The following CSMD2 variants were observed in gnomAD, a reference collection of about 807,000 sequenced individuals.
CSMD2 encodes the protein CUB and sushi domain-containing protein 2.
A neutral mutation model predicts 398.5 loss-of-function variants in CSMD2; 130 were observed. That is an observed-to-expected ratio of 0.33 (90% CI 0.28 to 0.38). CSMD2 has a LOEUF of 0.38. Ranked by LOEUF, CSMD2 falls within the 10% of genes least tolerant of loss-of-function variation. The pLI is 1.00. For missense variants in CSMD2, 3,829 were observed against 4,764.9 expected, an observed-to-expected ratio of 0.80 and a Z score of 5.78; for synonymous variants, 1,828 against 1,908.5, an observed-to-expected ratio of 0.96 and a Z score of 1.10.
At position 33,611,165 on chromosome 1, in the gene CSMD2, G is replaced by A. The variant is rs779467636; in HGVS notation, c.6219C>T (p.Arg2073=). ...EIRNGPYETS[R]MMGRFSGSEL... is the part of the protein sequence containing the mutation. Reference sequence around the variant, plus strand: ...CGCTTCCACTGAATCTTCCCATCATGCGGCTGGTCTCATAGGGGCCATTCC... The same window carrying A: ...CGCTTCCACTGAATCTTCCCATCATACGGCTGGTCTCATAGGGGCCATTCC... Residue 2073 remains arginine (R), a synonymous_variant, in exon 41 of 71, where the codon CGC becomes CGT. Coordinates refer to ENST00000373381, the MANE Select transcript of CSMD2 (RefSeq NM_001281956.2). 3 of 1,614,134 alleles carry A rather than the reference G, an allele frequency of 1.9e-6. No individual in the cohort carries two copies. The highest frequency in any genetic ancestry group is 3.3e-5 in the Admixed American group (2 of 60,022).
At chr1:33,730,718 G>A (rs1180946511) in intron 15 of CSMD2, among the ~76,000 whole-genome samples, 2 of 152,078 alleles carry the variant, frequency 1.3e-5, no homozygotes, top group African/African-American at 4.8e-5. Context: ...TATGAATTGG[G>A]AAATTATATT....
rs552688096 is a variant in CSMD2 at position 33,944,868 on chromosome 1, C to A, written c.518-8914G>T. Among the ~76,000 whole-genome samples, 131 of 152,228 alleles carry A rather than the reference C, an allele frequency of 8.6e-4. 1 individual carries two copies. The highest frequency in any genetic ancestry group is 3.4e-3 in the Middle Eastern group (1 of 294). On this transcript the variant is annotated intron_variant, in intron 3 of 70. Coordinates refer to ENST00000373381, the MANE Select transcript of CSMD2 (RefSeq NM_001281956.2). ...CCTTTTACCATGTTGTAATCTTGAT[C>A]TCCCAGGATTCAAGACCCTTGTTTG... is the stretch of plus-strand genomic sequence containing the variant.
intron 22 of CSMD2, among the ~76,000 whole-genome samples, chr1:33,700,988 C>T (rs534247542): frequency 6.6e-6 from 1 of 152,246 alleles, no homozygotes; most frequent in Non-Finnish European, 1.5e-5. Flanking sequence ...CACCAGCTTA[C>T]TCTTTAGCAG....
chr1:33,994,659 T>C (rs187306964), intron 3 of CSMD2, among the ~76,000 whole-genome samples: 1 of 152,210 alleles, frequency 6.6e-6, no homozygotes, highest in Non-Finnish European at 1.5e-5. Context: ...TTAGTTAAAA[T>C]GCCCTTCACC....
intron 2 of CSMD2, among the ~76,000 whole-genome samples, chr1:34,037,803 TTAGTTCCAGTA>T (rs1166477865): frequency 6.6e-6 from 1 of 152,194 alleles, no homozygotes; most frequent in Non-Finnish European, 1.5e-5. Flanking sequence ...ATTCCCCAAC[TTAGTTCCAGTA>T]TATTTTTGCA....
At chr1:33,660,838 G>A in intron 26 of CSMD2, among the ~76,000 whole-genome samples, 1 of 152,352 alleles carries the variant, frequency 6.6e-6, no homozygotes, top group East Asian at 1.9e-4. Flanking sequence ...CACTATGAGA[G>A]AGTCGGGAGG....
intron 52 of CSMD2, among the ~76,000 whole-genome samples, chr1:33,568,283 G>T (rs1479792406): frequency 6.6e-6 from 1 of 150,796 alleles, no homozygotes; most frequent in Non-Finnish European, 1.5e-5. Context: ...CACCTCCTAG[G>T]TTCAAGGGAT....
chr1:34,089,876 C>T (rs1658356486), intron 1 of CSMD2, among the ~76,000 whole-genome samples: 1 of 152,158 alleles, frequency 6.6e-6, no homozygotes, highest in Non-Finnish European at 1.5e-5. Flanking sequence ...AAATTCCCTA[C>T]CCCACTCCTC....
intron 3 of CSMD2, among the ~76,000 whole-genome samples, chr1:33,973,645 G>A (rs897767828): frequency 6.6e-6 from 1 of 152,176 alleles, no homozygotes; most frequent in African/African-American, 2.4e-5. Context: ...AAATGCACTT[G>A]AGGGTAGAAG....
chr1:33,817,230 G>C (rs1357788552), intron 9 of CSMD2, among the ~76,000 whole-genome samples: 1 of 152,152 alleles, frequency 6.6e-6, no homozygotes, highest in Non-Finnish European at 1.5e-5. Context: ...TCAAACCCAG[G>C]AGACTTAGCA....
chr1:33,713,034 G>T (rs535898334), intron 21 of CSMD2, among the ~76,000 whole-genome samples: 1 of 152,342 alleles, frequency 6.6e-6, no homozygotes, highest in South Asian at 2.1e-4. Context: ...GCAAAATGCT[G>T]ATAATTATAT....
intron 3 of CSMD2, among the ~76,000 whole-genome samples, chr1:33,993,546 C>A (rs1025687156): frequency 2.0e-5 from 3 of 149,624 alleles, no homozygotes; most frequent in Admixed American, 1.4e-4. Context: ...CACTTCTACA[C>A]CCTCAGCCAG....
At chr1:33,590,836 G>A (rs6697160) in intron 44 of CSMD2, among the ~76,000 whole-genome samples, 17,386 of 152,068 alleles carry the variant, frequency 0.11, 1,397 homozygotes, top group African/African-American at 0.23. Flanking sequence ...CGTGAACGGT[G>A]GGGGCAATTG....
intron 60 of CSMD2, among the ~76,000 whole-genome samples, chr1:33,538,883 A>G (rs190075463): frequency 6.6e-6 from 1 of 152,320 alleles, no homozygotes; most frequent in Admixed American, 6.5e-5. Flanking sequence ...TCTAGAAGAC[A>G]GTTTGACAAC....
intron 27 of CSMD2, among the ~76,000 whole-genome samples, chr1:33,657,012 T>C (rs994766656): frequency 6.6e-6 from 1 of 152,184 alleles, no homozygotes; most frequent in Non-Finnish European, 1.5e-5. Flanking sequence ...TGTCTCTATC[T>C]ATTTACCTTT....
intron 2 of CSMD2, among the ~76,000 whole-genome samples, chr1:34,045,079 C>CA (rs1237604951): frequency 8.6e-5 from 12 of 139,372 alleles, no homozygotes; most frequent in Admixed American, 1.4e-4. Context: ...ACACACACAC[C>CA]CCTACAAACA....
chr1:33,612,112 T>C (rs924958458), intron 40 of CSMD2, among the ~76,000 whole-genome samples: 2 of 152,238 alleles, frequency 1.3e-5, no homozygotes, highest in Non-Finnish European at 2.9e-5. Flanking sequence ...GTGCTAGGCA[T>C]TGTACAGGAT....
chr1:33,786,246 G>T (rs572523678), intron 12 of CSMD2, among the ~76,000 whole-genome samples: 96 of 152,186 alleles, frequency 6.3e-4, no homozygotes, highest in African/African-American at 2.2e-3. Context: ...TATTCAAACC[G>T]TTGGCAAAAT....
intron 3 of CSMD2, among the ~76,000 whole-genome samples, chr1:34,026,983 G>A (rs1463929064): frequency 1.3e-5 from 2 of 152,116 alleles, no homozygotes; most frequent in African/African-American, 4.8e-5. Context: ...AGAATAAGGT[G>A]AGCCTTTAAA....
Sources: allele counts gnomAD v4.1 joint callset (sites outside exome capture counted in the v4.1 genomes callset), GRCh38; gene constraint gnomAD v4.1.1; transcripts MANE v1.5; gene names NCBI Gene and HGNC (gene_info 2026-07-23, HGNC 2026-07-21).